The following ABL1 variants were observed in gnomAD, a reference collection of about 807,000 sequenced individuals.
ABL1 encodes the protein ABL proto-oncogene 1, non-receptor tyrosine kinase.
Under a neutral mutation model 94.7 loss-of-function variants are expected in ABL1, and 11 were observed. The observed-to-expected ratio is 0.12, with a 90% CI of 0.07 to 0.19. The LOEUF is 0.19. Ranked by LOEUF, ABL1 falls within the 10% of genes least tolerant of loss-of-function variation. The pLI is 1.00. For synonymous variants in ABL1, 656 were observed against 622.4 expected (o/e 1.05, Z -0.80); for missense variants, 1,082 against 1,489.4 (o/e 0.73, Z 4.50).
chr9:130,766,222 C>T (rs1253031568), intron 1 of ABL1, among the ~76,000 whole-genome samples: 1 of 152,246 alleles, frequency 6.6e-6, no homozygotes, highest in African/African-American at 2.4e-5. Context: ...AGTGCCCCCG[C>T]CAGCCTGCTC....
chr9:130,782,480 G>A (rs773919996), intron 1 of ABL1, among the ~76,000 whole-genome samples: 18 of 152,194 alleles, frequency 1.2e-4, no homozygotes, highest in Admixed American at 6.5e-4. Context: ...TAAATTTAGA[G>A]CCTGGGGCTC....
At chr9:130,816,807 G>A (rs1004884341) in intron 1 of ABL1, among the ~76,000 whole-genome samples, 2 of 152,114 alleles carry the variant, frequency 1.3e-5, no homozygotes, top group Middle Eastern at 3.2e-3. Context: ...GGGTTCAAGC[G>A]ATTCTCCTGC....
At chr9:130,718,752 C>G (rs777717326) in intron 1 of ABL1, among the ~76,000 whole-genome samples, 9 of 152,112 alleles carry the variant, frequency 5.9e-5, no homozygotes, top group Non-Finnish European at 1.0e-4. Flanking sequence ...GACGTGTTAT[C>G]ACACCTGTGT....
At chr9:130,777,203 C>G (rs1829674457) in intron 1 of ABL1, among the ~76,000 whole-genome samples, 1 of 152,172 alleles carries the variant, frequency 6.6e-6, no homozygotes, top group Admixed American at 6.5e-5. Context: ...TGGTCTTTTT[C>G]TGTGATGCTC....
chr9:130,776,553 G>C (rs925588265), intron 1 of ABL1, among the ~76,000 whole-genome samples: 27 of 149,842 alleles, frequency 1.8e-4, no homozygotes, highest in African/African-American at 5.7e-4. Flanking sequence ...CTCTAGCCTG[G>C]GCGACAAAGT....
At chr9:130,770,700 A>G (rs1232810675) in intron 1 of ABL1, among the ~76,000 whole-genome samples, 1 of 152,280 alleles carries the variant, frequency 6.6e-6, no homozygotes. Flanking sequence ...GAACAGTTAC[A>G]GCACATAGTA....
chr9:130,776,818 C>T (rs1829664995), intron 1 of ABL1, among the ~76,000 whole-genome samples: 1 of 152,104 alleles, frequency 6.6e-6, no homozygotes, highest in African/African-American at 2.4e-5. Context: ...TCCCAAACCC[C>T]TGGGCTCAAG....
intron 1 of ABL1, among the ~76,000 whole-genome samples, chr9:130,786,261 G>T (rs544799023): frequency 6.6e-6 from 1 of 152,158 alleles, no homozygotes; most frequent in South Asian, 2.1e-4. Context: ...TCGTTGTCTG[G>T]TTCCTAGCTC....
chr9:130,782,208 G>A lies in ABL1; in HGVS notation c.136+67753G>A, dbSNP rs979465104. On this transcript the variant is annotated intron_variant, in intron 1 of 10. Transcript: ENST00000372348. ...CAAGTAGCTGGGACTACAGGCATGC[G>A]CCACCATGCCTGGCCAATTTTTTTG... Among the ~76,000 whole-genome samples the A allele has an allele frequency of 7.9e-5, 12 of 151,924 alleles. No homozygotes were observed. The East Asian group carries it at 9.6e-4, about 12-fold the overall frequency.
intron 3 of ABL1, among the ~76,000 whole-genome samples, chr9:130,858,939 C>T (rs922181110): frequency 6.6e-5 from 10 of 152,170 alleles, no homozygotes; most frequent in Admixed American, 2.6e-4. Flanking sequence ...ACCATCAGCT[C>T]GGGGCCCAGA....
At chr9:130,854,591 C>T (rs1356841803) in intron 2 of ABL1, among the ~76,000 whole-genome samples, 1 of 152,186 alleles carries the variant, frequency 6.6e-6, no homozygotes, top group Non-Finnish European at 1.5e-5. Flanking sequence ...TGAGGCTATA[C>T]ACTTACCTAT....
intron 1 of ABL1, among the ~76,000 whole-genome samples, chr9:130,715,348 A>G (rs759341905): frequency 2.0e-5 from 3 of 152,222 alleles, no homozygotes; most frequent in Non-Finnish European, 2.9e-5. Flanking sequence ...GAGCCCACCT[A>G]TCCTATAAGC....
chr9:130,879,184 G>A (rs1831408983), intron 8 of ABL1, among the ~76,000 whole-genome samples: 1 of 152,292 alleles, frequency 6.6e-6, no homozygotes, highest in Admixed American at 6.5e-5. Flanking sequence ...GCTGCGAGGT[G>A]ATTTTTATCT....
intron 1 of ABL1, among the ~76,000 whole-genome samples, chr9:130,762,597 TA>T (rs1832129910): frequency 1.3e-5 from 2 of 152,066 alleles, no homozygotes; most frequent in African/African-American, 4.8e-5. Flanking sequence ...CCTCCTCTGC[TA>T]GTTATTTTTC....
At chr9:130,804,847 G>T (rs1830104720) in intron 1 of ABL1, among the ~76,000 whole-genome samples, 1 of 152,094 alleles carries the variant, frequency 6.6e-6, no homozygotes, top group South Asian at 2.1e-4. Context: ...TTGTTTTTAA[G>T]CTAATATTAA....
Position 130,793,438 on chromosome 9 carries a change from G to A in ABL1, c.137-60626G>A, listed in dbSNP as rs554221448. Among the ~76,000 whole-genome samples, 5 of 152,206 alleles carry A rather than the reference G, an allele frequency of 3.3e-5. No individual in the cohort carries two copies. In the South Asian group the frequency reaches 8.3e-4, roughly 25 times the overall value. The stretch of plus-strand genomic sequence containing the variant: ...AATTATCATGAATTTTAAATTGGTG[G>A]TATCCATACTAATCAGGATTTCCTG... On this transcript the variant is annotated intron_variant, in intron 1 of 10. Coordinates refer to the ABL1 transcript ENST00000372348.
In ABL1 at chr9:130,872,258, C is replaced by T. The variant is rs762756495; in HGVS notation, c.907+45C>T. ...TGAAGAGAGGGTCTCGCGCCGCACCCCCAGGGTGACACAGGCGCTGGGGAA... is the reference window on the plus strand; with the variant it reads ...TGAAGAGAGGGTCTCGCGCCGCACCTCCAGGGTGACACAGGCGCTGGGGAA... On this transcript the variant is annotated intron_variant, in intron 5 of 10. Transcript: ENST00000318560. The surrounding 1 kb of genome is among the most constrained non-coding windows in gnomAD (Gnocchi z 5.0). 1 of 1,565,786 alleles carries T rather than the reference C, an allele frequency of 6.4e-7. No individual in the cohort carries two copies. Among genetic ancestry groups the T allele is most frequent in the Non-Finnish European group, 8.8e-7 (1 of 1,141,290 alleles).
chr9:130,798,966 C>CAAAAAA lies in ABL1; in HGVS notation c.137-55085_137-55080dup, dbSNP rs71389357. On this transcript the variant is annotated intron_variant, in intron 1 of 10. Transcript: ENST00000372348. ...AGCCTGGGTGGCAGAGACTCCGTCT[C>CAAAAAA]AAAAAAAAAAAAAAAAAAGAATTGG... Among the ~76,000 whole-genome samples the CAAAAAA allele has an allele frequency of 5.1e-4, 34 of 66,808 alleles. 2 individuals are homozygous for CAAAAAA. The highest frequency in any genetic ancestry group is 1.0e-3 in the African/African-American group (19 of 18,368). 43.8% of individuals were successfully genotyped at this position (66,808 alleles called of 152,430 possible). A position where few individuals can be genotyped will look rare whatever the true frequency, so the allele number is the denominator to read the frequency against.
chr9:130,841,119 A>G (rs1005595663), intron 1 of ABL1, among the ~76,000 whole-genome samples: 3 of 151,876 alleles, frequency 2.0e-5, no homozygotes, highest in African/African-American at 7.3e-5. Context: ...TGATGAGCTA[A>G]ACCAACAAAA....
Sources: allele counts gnomAD v4.1 joint callset (sites outside exome capture counted in the v4.1 genomes callset), GRCh38; gene constraint gnomAD v4.1.1; non-coding constraint Gnocchi (gnomAD v3.1); transcripts MANE v1.5; gene names NCBI Gene and HGNC (gene_info 2026-07-23, HGNC 2026-07-21).